Variants in TECRL observed in about 807,000 individuals in gnomAD.
TECRL encodes trans-2,3-enoyl-CoA reductase like.
In TECRL, 63 loss-of-function variants were observed where a neutral mutation model predicts 52.8. The observed-to-expected ratio is 1.19, with a 90% CI of 0.97 to 1.47. The LOEUF is 1.47. Ranked by LOEUF, TECRL falls within the 40% of genes most tolerant of loss-of-function variation. The pLI is 0.00. For missense variants in TECRL, 482 were observed against 429.6 expected (o/e 1.12, Z -1.08); for synonymous variants, 164 against 141.9 (o/e 1.16, Z -1.10).
intron 1 of TECRL, among the ~76,000 whole-genome samples, chr4:64,408,774 G>A (rs77206395): frequency 0.053 from 8,102 of 151,910 alleles, 449 homozygotes; most frequent in African/African-American, 0.15. Context: ...TGAAGTACAC[G>A]AAGACAAAAA....
intron 1 of TECRL, among the ~76,000 whole-genome samples, chr4:64,400,604 T>C (rs1724284422): frequency 1.3e-5 from 2 of 152,108 alleles, no homozygotes; most frequent in Admixed American, 6.5e-5. Flanking sequence ...TGGGAAGTGA[T>C]TGGATCATGG....
At chr4:64,371,325 T>TA (rs1450532962) in intron 2 of TECRL, among the ~76,000 whole-genome samples, 1 of 150,984 alleles carries the variant, frequency 6.6e-6, no homozygotes, top group East Asian at 1.9e-4. Context: ...AACTAAATTG[T>TA]AAAACAATCA....
At chr4:64,344,554 C>A (rs936204231) in intron 2 of TECRL, among the ~76,000 whole-genome samples, 9 of 152,072 alleles carry the variant, frequency 5.9e-5, no homozygotes, top group Admixed American at 2.6e-4. Flanking sequence ...TTCAAATGCA[C>A]AAACATTAAT....
chr4:64,406,007 G>C (rs1724690109), intron 1 of TECRL, among the ~76,000 whole-genome samples: 1 of 152,076 alleles, frequency 6.6e-6, no homozygotes, highest in Admixed American at 6.6e-5. Context: ...GGAAGTGAGT[G>C]CCCAAATGAA....
chr4:64,299,881 A>G, intron 8 of TECRL, 93 bp downstream of exon 8: 1 of 554,816 alleles, frequency 1.8e-6, no homozygotes, highest in East Asian at 3.3e-5. Context: ...TATATATCAT[A>G]TTTTCTACAT....
At chr4:64,340,355 A>G (rs1329704090) in intron 2 of TECRL, among the ~76,000 whole-genome samples, 1 of 152,088 alleles carries the variant, frequency 6.6e-6, no homozygotes, top group Non-Finnish European at 1.5e-5. Flanking sequence ...GAATCCCTGA[A>G]CTCTCAGAGG....
At chr4:64,333,443 T>C (rs1467750511) in intron 2 of TECRL, among the ~76,000 whole-genome samples, 1 of 152,088 alleles carries the variant, frequency 6.6e-6, no homozygotes, top group Non-Finnish European at 1.5e-5. Flanking sequence ...GATGAGATGA[T>C]GAAATAAATA....
chr4:64,335,325 T>C (rs935136293), intron 2 of TECRL, among the ~76,000 whole-genome samples: 2 of 152,204 alleles, frequency 1.3e-5, no homozygotes, highest in Non-Finnish European at 2.9e-5. Context: ...GTGAGGAATC[T>C]AGGTTGCATG....
chr4:64,339,520 T>G (rs2110069748), intron 2 of TECRL, among the ~76,000 whole-genome samples: 1 of 152,118 alleles, frequency 6.6e-6, no homozygotes, highest in East Asian at 1.9e-4. Flanking sequence ...CTTTACTATC[T>G]AATATTATTT....
At chr4:64,338,566 G>T (rs964126139) in intron 2 of TECRL, among the ~76,000 whole-genome samples, 1 of 151,850 alleles carries the variant, frequency 6.6e-6, no homozygotes, top group African/African-American at 2.4e-5. Context: ...AATCTACAAA[G>T]AACTCAAACA....
downstream of TECRL, among the ~76,000 whole-genome samples, chr4:64,277,228 CCA>C (rs1367524995): frequency 2.0e-5 from 3 of 151,724 alleles, no homozygotes; most frequent in African/African-American, 7.2e-5. Context: ...TATAGGTACC[CCA>C]TACTTAAAGT....
intron 2 of TECRL, among the ~76,000 whole-genome samples, chr4:64,349,005 T>G (rs1720184345): frequency 6.7e-6 from 1 of 149,564 alleles, no homozygotes; most frequent in Non-Finnish European, 1.5e-5. Flanking sequence ...GAAAACAAAA[T>G]TTCAAAACTC....
intron 2 of TECRL, among the ~76,000 whole-genome samples, chr4:64,373,068 C>T (rs1007186528): frequency 6.6e-6 from 1 of 151,480 alleles, no homozygotes; most frequent in Non-Finnish European, 1.5e-5. Flanking sequence ...CAAAAATTGG[C>T]AAATACATTC....
intron 3 of TECRL, among the ~76,000 whole-genome samples, chr4:64,323,226 T>G (rs893235440): frequency 6.6e-6 from 1 of 151,746 alleles, no homozygotes; most frequent in Non-Finnish European, 1.5e-5. Flanking sequence ...AAACCCTGTC[T>G]CTACAAAAAA....
At chr4:64,339,826 T>G (rs1050671582) in intron 2 of TECRL, among the ~76,000 whole-genome samples, 8 of 152,150 alleles carry the variant, frequency 5.3e-5, no homozygotes, top group Non-Finnish European at 1.2e-4. Flanking sequence ...CTCTAAAACA[T>G]TCCTTGATTT....
chr4:64,279,234 T>C lies in TECRL; in HGVS notation c.*838A>G, dbSNP rs6827990. 0.97 allele frequency: 146,555 copies of C among 151,562 alleles called. 70,881 individuals are homozygous for C. Among genetic ancestry groups the C allele is most frequent in the East Asian group, 1 (5,098 of 5,098 alleles). The allele number at this position is 151,562 out of a possible 1,614,324, so 9.4% of individuals were successfully genotyped here. On this transcript the variant is annotated 3_prime_UTR_variant, in exon 12 of 12. Coordinates refer to ENST00000381210, the MANE Select transcript of TECRL (RefSeq NM_001010874.5). ...CAGTGTCTAAGAGTTCTTTTTTTTT[T>C]CCCGCATCTTCACCAATATGTTATT...
chr4:64,361,721 G>T lies in TECRL; in HGVS notation c.286+13451C>A, dbSNP rs941068702. Among the ~76,000 whole-genome samples, 6 of 151,986 alleles carry T rather than the reference G, an allele frequency of 3.9e-5. No homozygotes were observed. The South Asian group carries it at 1.2e-3, about 31-fold the overall frequency. ...CAAAAGCAAAATTCCCTATCTGAGA[G>T]ACAACTTCAAAGATTAAGGAAATAT... On this transcript the variant is annotated intron_variant, in intron 2 of 11. Coordinates refer to ENST00000381210, the MANE Select transcript of TECRL (RefSeq NM_001010874.5).
At chr4:64,292,780 C>T (rs551806375) in intron 8 of TECRL, among the ~76,000 whole-genome samples, 1 of 151,814 alleles carries the variant, frequency 6.6e-6, no homozygotes, top group Non-Finnish European at 1.5e-5. Context: ...GTGCTTTTTG[C>T]TCTACAATGT....
chr4:64,328,010 C>T (rs1194696369), intron 3 of TECRL, among the ~76,000 whole-genome samples: 1 of 151,768 alleles, frequency 6.6e-6, no homozygotes, highest in African/African-American at 2.4e-5. Flanking sequence ...TTGGTAGGAG[C>T]CATTTTTAAG....
Sources: gnomAD v4.1 joint callset for allele counts (sites outside exome capture counted in the v4.1 genomes callset) on GRCh38, gnomAD v4.1.1 for gene constraint, MANE v1.5 for transcripts, NCBI Gene and HGNC (gene_info 2026-07-23, HGNC 2026-07-21) for gene names.